The following PCDHA4 variants were observed in gnomAD, a reference collection of about 807,000 sequenced individuals.
PCDHA4 encodes protocadherin alpha 4.
PCDHA4 carries 49 observed loss-of-function variants against 61.4 expected under a neutral mutation model. The observed-to-expected ratio is 0.80, with a 90% CI of 0.63 to 1.01. The LOEUF (loss-of-function observed/expected upper bound fraction) is 1.01, where lower values mean the gene tolerates loss of function less well. Among genes scored for constraint, PCDHA4 ranks in the 50% least tolerant of loss-of-function variants. The probability of loss-of-function intolerance (pLI) is 0.00; values close to 1 mark genes in which losing one functional copy is unlikely to be tolerated. For synonymous variants in PCDHA4, 590 were observed against 550.3 expected (o/e 1.07, Z -1.01); for missense variants, 1,254 against 1,235.8 (o/e 1.01, Z -0.22).
At chr5:140,883,792 G>C (rs1050179503) in intron 1 of PCDHA4, 7 of 1,612,560 alleles carry the variant, frequency 4.3e-6, no homozygotes, top group African/African-American at 1.3e-5. Flanking sequence ...CGAGCTACGT[G>C]TCGGTGCACG....
At chr5:140,956,009 CTT>C (rs2095247878) in intron 1 of PCDHA4, among the ~76,000 whole-genome samples, 1 of 152,192 alleles carries the variant, frequency 6.6e-6, no homozygotes, top group Non-Finnish European at 1.5e-5. Flanking sequence ...TATCCTGAGA[CTT>C]TGCTGAAGTT....
chr5:140,916,084 C>T (rs1330761804), intron 1 of PCDHA4, among the ~76,000 whole-genome samples: 3 of 152,186 alleles, frequency 2.0e-5, no homozygotes, highest in Non-Finnish European at 4.4e-5. Flanking sequence ...TACCACTGGT[C>T]CACAGGGAAT....
intron 1 of PCDHA4, chr5:140,856,893 C>T (rs267600397): frequency 6.3e-7 from 1 of 1,596,420 alleles, no homozygotes; most frequent in Non-Finnish European, 8.6e-7. Flanking sequence ...TCATTTAGCT[C>T]TTTGGTCCCA....
Position 140,881,024 on chromosome 5 carries a change from A to G in PCDHA4, c.2385+71452A>G, listed in dbSNP as rs1330072249. Among the ~76,000 whole-genome samples the G allele has an allele frequency of 1.1e-4, 17 of 152,246 alleles. 1 individual carries two copies. Among genetic ancestry groups the G allele is most frequent in the Admixed American group, 5.2e-4 (8 of 15,290 alleles). ...GAGCAGAGCTATGGAAATAAACCCA[A>G]CAGTCATTTCCTATAGAGTTGTGCA... On this transcript the variant is annotated intron_variant, in intron 1 of 3. Coordinates refer to ENST00000530339, the MANE Select transcript of PCDHA4 (RefSeq NM_018907.4).
intron 1 of PCDHA4, chr5:140,841,734 A>G: frequency 2.5e-6 from 4 of 1,613,870 alleles, no homozygotes; most frequent in Non-Finnish European, 3.4e-6. Context: ...GTAAAAGACC[A>G]AAAGCTGTTT....
intron 3 of PCDHA4, among the ~76,000 whole-genome samples, chr5:140,990,378 T>G (rs1554251448): frequency 6.6e-6 from 1 of 152,128 alleles, no homozygotes; most frequent in African/African-American, 2.4e-5. Context: ...GCAAATTTGT[T>G]GGTGATGTTC....
chr5:140,876,250 A>T, intron 1 of PCDHA4: 1 of 1,614,046 alleles, frequency 6.2e-7, no homozygotes, highest in South Asian at 1.1e-5. Flanking sequence ...AAACGACACA[A>T]GAGTGATCCA....
intron 1 of PCDHA4, among the ~76,000 whole-genome samples, chr5:140,911,947 G>C (rs559007219): frequency 6.6e-6 from 1 of 152,144 alleles, no homozygotes; most frequent in African/African-American, 2.4e-5. Context: ...TATATATAAA[G>C]GGGAGGTTAC....
At chr5:140,976,080 A>G (rs1487401919) in intron 1 of PCDHA4, among the ~76,000 whole-genome samples, 1 of 152,226 alleles carries the variant, frequency 6.6e-6, no homozygotes, top group African/African-American at 2.4e-5. Flanking sequence ...TGTGTCAGAT[A>G]TATCAGTAGT....
At chr5:140,966,805 T>G in intron 1 of PCDHA4, 1 of 1,545,566 alleles carries the variant, frequency 6.5e-7, no homozygotes, top group East Asian at 2.4e-5. Context: ...CGACAGAGCA[T>G]CCACGGCTCC....
intron 1 of PCDHA4, among the ~76,000 whole-genome samples, chr5:140,901,222 C>A (rs1336015424): frequency 6.6e-6 from 1 of 151,984 alleles, no homozygotes; most frequent in Admixed American, 6.6e-5. Context: ...TGATGTGATC[C>A]CATATATCCA....
intron 1 of PCDHA4, among the ~76,000 whole-genome samples, chr5:140,949,692 T>A (rs1563239592): frequency 6.6e-6 from 1 of 151,854 alleles, no homozygotes; most frequent in Non-Finnish European, 1.5e-5. Flanking sequence ...AGCGTATTGT[T>A]GGATCTTGCT....
intron 1 of PCDHA4, chr5:140,850,565 G>A (rs2041680380): frequency 1.3e-6 from 2 of 1,598,414 alleles, no homozygotes; most frequent in East Asian, 4.5e-5. Flanking sequence ...CGGGCCCCGA[G>A]GTGACGCTGG....
At chr5:140,823,382 C>G in intron 1 of PCDHA4, 1 of 1,612,794 alleles carries the variant, frequency 6.2e-7, no homozygotes, top group Non-Finnish European at 8.5e-7. Context: ...CAGGTGAGCG[C>G]GCGCGACGCG....
In PCDHA4 at chr5:140,929,637, G is replaced by A. The variant is rs373869618; in HGVS notation, c.2386-49312G>A. ...CCAAAATATTTTATAAGCAACAGATGTGTAAGGCACTCTAATATTTAAAGT... is the reference window on the plus strand; with the variant it reads ...CCAAAATATTTTATAAGCAACAGATATGTAAGGCACTCTAATATTTAAAGT... On this transcript the variant is annotated intron_variant, in intron 1 of 3. Coordinates refer to ENST00000530339, the MANE Select transcript of PCDHA4 (RefSeq NM_018907.4). The A allele has an allele frequency of 1.4e-4, 52 of 378,290 alleles. No homozygotes were observed. The South Asian group carries it at 3.2e-3, about 23-fold the overall frequency. The allele number at this position is 378,290 out of a possible 1,614,324, so 23.4% of individuals were successfully genotyped here. A position where few individuals can be genotyped will look rare whatever the true frequency, so the allele number is the denominator to read the frequency against.
chr5:140,817,314 A>T (rs1766111486), intron 1 of PCDHA4: 1 of 152,198 alleles, frequency 6.6e-6, no homozygotes, highest in Admixed American at 6.5e-5. Context: ...GCCCCAGAAA[A>T]GTGCCCAGCT....
In PCDHA4 at chr5:141,011,713, T is replaced by G. The variant is rs1198989870; in HGVS notation, c.*1776T>G. 6.5e-6 allele frequency: 1 copy of G among 153,774 alleles called. No individual in the cohort carries two copies. The highest frequency in any genetic ancestry group is 1.5e-5 in the Non-Finnish European group (1 of 68,048). 9.5% of individuals were successfully genotyped at this position (153,774 alleles called of 1,614,324 possible). On this transcript the variant is annotated 3_prime_UTR_variant, in exon 4 of 4. Coordinates refer to ENST00000530339, the MANE Select transcript of PCDHA4 (RefSeq NM_018907.4). Reference sequence around the variant, plus strand: ...ATTTTGGAATGAATACTGACAATATTCCATGAGGGTGTGCAAGCACAAATT... The same window carrying G: ...ATTTTGGAATGAATACTGACAATATGCCATGAGGGTGTGCAAGCACAAATT...
intron 1 of PCDHA4, chr5:140,812,930 T>G (rs2126642721): frequency 6.6e-6 from 1 of 152,264 alleles, no homozygotes; most frequent in African/African-American, 2.4e-5. Context: ...GTTTAATTTC[T>G]ACATATTTGC....
At chr5:140,878,461 T>G (rs1274651575) in intron 1 of PCDHA4, among the ~76,000 whole-genome samples, 1 of 152,230 alleles carries the variant, frequency 6.6e-6, no homozygotes, top group Non-Finnish European at 1.5e-5. Context: ...TGAAATATAA[T>G]AAAATCATTT....
Sources: allele counts gnomAD v4.1 joint callset (sites outside exome capture counted in the v4.1 genomes callset), GRCh38; gene constraint gnomAD v4.1.1; transcripts MANE v1.5; gene names NCBI Gene and HGNC (gene_info 2026-07-23, HGNC 2026-07-21).